SLC25A42: variants seen among roughly 807,000 people sequenced by gnomAD.
The protein encoded by SLC25A42 is solute carrier family 25 member 42.
Under a neutral mutation model 34.7 loss-of-function variants are expected in SLC25A42, and 19 were observed. That is an observed-to-expected ratio of 0.55 (90% confidence interval 0.38 to 0.80). SLC25A42 has a LOEUF of 0.80. Ranked by LOEUF, SLC25A42 falls within the 30% of genes least tolerant of loss-of-function variation. The probability of loss-of-function intolerance (pLI) is 0.00; values close to 1 mark genes in which losing one functional copy is unlikely to be tolerated. For synonymous variants in SLC25A42, 205 were observed against 191.2 expected (o/e 1.07, Z -0.59); for missense variants, 364 against 441.3 (o/e 0.82, Z 1.57).
chr19:19,068,699 G>A (rs1438010729), intron 1 of SLC25A42, among the ~76,000 whole-genome samples: 3 of 151,496 alleles, frequency 2.0e-5, no homozygotes, highest in Non-Finnish European at 2.9e-5. Context: ...ATAGCCGGGT[G>A]TGGTGGTGCA....
intron 1 of SLC25A42, among the ~76,000 whole-genome samples, chr19:19,069,495 G>C (rs750485781): frequency 3.3e-5 from 5 of 152,200 alleles, no homozygotes; most frequent in Non-Finnish European, 5.9e-5. Context: ...CAAAATGAAG[G>C]TGTCAACAGG....
intron 1 of SLC25A42, among the ~76,000 whole-genome samples, chr19:19,073,217 T>C (rs116378939): frequency 0.016 from 2,440 of 152,324 alleles, 70 homozygotes; most frequent in African/African-American, 0.055. Context: ...GCAGCTGTTA[T>C]GTTTCTGCTT....
chr19:19,077,603 T>C (rs1281604906), intron 1 of SLC25A42, among the ~76,000 whole-genome samples: 1 of 152,192 alleles, frequency 6.6e-6, no homozygotes, highest in Non-Finnish European at 1.5e-5. Context: ...TCATTCAGTA[T>C]GCAGCTGGGC....
chr19:19,105,367 C>A, intron 4 of SLC25A42, 194 bp from the exon 5 acceptor site: 1 of 626,304 alleles, frequency 1.6e-6, no homozygotes, highest in Non-Finnish European at 2.6e-6. Context: ...GGAGGAAGGA[C>A]GGGGCTGGGG....
chr19:19,079,994 C>T (rs1193447027), intron 1 of SLC25A42, among the ~76,000 whole-genome samples: 2 of 152,200 alleles, frequency 1.3e-5, no homozygotes, highest in African/African-American at 2.4e-5. Context: ...AATGGCTGCC[C>T]CATCTAACAT....
chr19:19,073,283 T>TGCCTTCCAGGGACCCCC (rs2059639652), intron 1 of SLC25A42, among the ~76,000 whole-genome samples: 1 of 152,108 alleles, frequency 6.6e-6, no homozygotes, highest in South Asian at 2.1e-4. Flanking sequence ...CAGGGACCCC[T>TGCCTTCCAGGGACCCCC]GCCTTCCAGG....
rs775962807 is a variant in SLC25A42 at position 19,110,762 on chromosome 19, G to C, written c.843G>C (p.Val281=). Reference sequence around the variant, plus strand: ...CCATCGTGCGGGAGGAGGGCGCCGTGCGCGGCCTCTACAAAGGCTTGAGCA... The same window carrying C: ...CCATCGTGCGGGAGGAGGGCGCCGTCCGCGGCCTCTACAAAGGCTTGAGCA... ...LRTIVREEGA[V]RGLYKGLSMN... Residue 281 remains valine, a synonymous_variant, in exon 8 of 8, where the codon GTG becomes GTC. Coordinates refer to ENST00000318596, the MANE Select transcript of SLC25A42 (RefSeq NM_178526.5). 1 of 1,613,292 alleles carries C rather than the reference G, an allele frequency of 6.2e-7. No homozygotes were observed. The highest frequency in any genetic ancestry group is 8.5e-7 in the Non-Finnish European group (1 of 1,179,878).
rs1017371880 is a variant in SLC25A42, at chr19:19,088,498, G to A, written c.-34-7593G>A. 1.3e-4 allele frequency among the ~76,000 whole-genome samples: 19 copies of A among 151,410 alleles called. No individual in the cohort carries two copies. In the South Asian group the frequency reaches 1.7e-3, roughly 13 times the overall value. On this transcript the variant is annotated intron_variant, in intron 1 of 7. Coordinates refer to ENST00000318596, the MANE Select transcript of SLC25A42 (RefSeq NM_178526.5). ...TGGGATTACAGGTGTGAGCCACCGC[G>A]CCTGGCCCGAGACGGAGTTTCACTC...
At chr19:19,065,731 GTGTT>G (rs2059598607) in intron 1 of SLC25A42, among the ~76,000 whole-genome samples, 1 of 152,088 alleles carries the variant, frequency 6.6e-6, no homozygotes. Context: ...ATATGTGTGT[GTGTT>G]GTACACATAT....
At chr19:19,108,769 C>T (rs2059847860) in intron 7 of SLC25A42, among the ~76,000 whole-genome samples, 2 of 152,212 alleles carry the variant, frequency 1.3e-5, no homozygotes, top group Admixed American at 1.3e-4. Flanking sequence ...CATTTTGCTA[C>T]ATTTGCTCCC....
At chr19:19,101,425 T>C (rs1599685621) in intron 2 of SLC25A42, among the ~76,000 whole-genome samples, 1 of 152,150 alleles carries the variant, frequency 6.6e-6, no homozygotes, top group African/African-American at 2.4e-5. Flanking sequence ...TCAGTCCCTG[T>C]GTACCTACAA....
intron 1 of SLC25A42, among the ~76,000 whole-genome samples, chr19:19,084,177 C>T (rs2059695030): frequency 6.6e-6 from 1 of 152,252 alleles, no homozygotes; most frequent in African/African-American, 2.4e-5. Context: ...CCCACCACCA[C>T]AGTGTGCCCC....
At chr19:19,079,550 C>G (rs1025805050) in intron 1 of SLC25A42, among the ~76,000 whole-genome samples, 11 of 152,136 alleles carry the variant, frequency 7.2e-5, no homozygotes, top group African/African-American at 2.4e-4. Flanking sequence ...TACTCAGTAT[C>G]GTGTTTTTGA....
At chr19:19,090,259 C>T (rs1347352680) in intron 1 of SLC25A42, among the ~76,000 whole-genome samples, 1 of 152,110 alleles carries the variant, frequency 6.6e-6, no homozygotes, top group Admixed American at 6.6e-5. Context: ...TCTGCTTGCT[C>T]ATTAAGGGGC....
chr19:19,075,157 A>G (rs2059649878), intron 1 of SLC25A42, among the ~76,000 whole-genome samples: 2 of 151,998 alleles, frequency 1.3e-5, no homozygotes, highest in Non-Finnish European at 1.5e-5. Flanking sequence ...TGTCTCAAAA[A>G]AAAAAGAAGT....
rs1300792470 is a variant in SLC25A42, at chr19:19,105,659, C to G, written c.312C>G (p.Ala104=). The stretch of plus-strand genomic sequence containing the variant: ...CCATGGTGCGCGTGGTGCCCTACGC[C>G]GCCATCCAGTTCAGCGCACACGAGG... ...SATMVRVVPY[A]AIQFSAHEEY... The change falls in exon 5 of 8, where the codon GCC becomes GCG. Residue 104 remains alanine (A), a synonymous_variant. Transcript: ENST00000318596. 6.2e-7 allele frequency: 1 copy of G among 1,613,468 alleles called. No homozygotes were observed. The highest frequency in any genetic ancestry group is 1.7e-5 in the Admixed American group (1 of 59,942).
At chr19:19,078,351 T>G (rs1234539595) in intron 1 of SLC25A42, among the ~76,000 whole-genome samples, 1 of 152,150 alleles carries the variant, frequency 6.6e-6, no homozygotes, top group African/African-American at 2.4e-5. Flanking sequence ...AGCCTGTTTG[T>G]TTCCCTGGTC....
chr19:19,067,681 A>G (rs1370891872), intron 1 of SLC25A42, among the ~76,000 whole-genome samples: 7 of 152,004 alleles, frequency 4.6e-5, no homozygotes, highest in Admixed American at 3.9e-4. Flanking sequence ...AGGTACCTCA[A>G]CAAGAACAGT....
At chr19:19,094,602 G>A (rs2059755041) in intron 1 of SLC25A42, among the ~76,000 whole-genome samples, 1 of 152,196 alleles carries the variant, frequency 6.6e-6, no homozygotes, top group Admixed American at 6.5e-5. Flanking sequence ...ATGTTCACTA[G>A]GAGAGTCAGC....
Sources: allele counts gnomAD v4.1 joint callset (sites outside exome capture counted in the v4.1 genomes callset), GRCh38; gene constraint gnomAD v4.1.1; transcripts MANE v1.5; gene names NCBI Gene and HGNC (gene_info 2026-07-23, HGNC 2026-07-21).